WWOX: variants seen among roughly 807,000 people sequenced by gnomAD.
The protein encoded by WWOX is WW domain containing oxidoreductase, also known as WW domain-containing oxidoreductase.
A neutral mutation model predicts 46.2 loss-of-function variants in WWOX; 69 were observed. That is an observed-to-expected ratio of 1.49 (90% CI 1.23 to 1.82). WWOX has a LOEUF of 1.82. Ranked by LOEUF, WWOX falls within the 40% of genes most tolerant of loss-of-function variation. WWOX has a pLI of 0.00. For synonymous variants in WWOX, 359 were observed against 202.6 expected (o/e 1.77, Z -6.56); for missense variants, 919 against 542.6 (o/e 1.69, Z -6.89).
chr16:78,959,004 A>C (rs2046222750), intron 8 of WWOX, among the ~76,000 whole-genome samples: 1 of 152,202 alleles, frequency 6.6e-6, no homozygotes, highest in Non-Finnish European at 1.5e-5. Context: ...TCTGTGAAAA[A>C]AGGGAGTTCT....
At chr16:78,961,784 G>A (rs965873914) in intron 8 of WWOX, among the ~76,000 whole-genome samples, 7 of 152,142 alleles carry the variant, frequency 4.6e-5, no homozygotes, top group African/African-American at 1.7e-4. Flanking sequence ...AAGTACCTCA[G>A]GTTATCATAG....
chr16:78,363,476 G>A (rs772886681), intron 5 of WWOX, among the ~76,000 whole-genome samples: 1 of 151,938 alleles, frequency 6.6e-6, no homozygotes, highest in East Asian at 1.9e-4. Context: ...ACAGTGTCTT[G>A]CTGTGTTTCC....
chr16:78,387,605 A>AG (rs1392236911), intron 6 of WWOX, among the ~76,000 whole-genome samples: 1 of 148,904 alleles, frequency 6.7e-6, no homozygotes. Flanking sequence ...GGAGACAGAG[A>AG]GACAGACAGG....
intron 6 of WWOX, among the ~76,000 whole-genome samples, chr16:78,424,265 A>G (rs1036364279): frequency 1.3e-4 from 20 of 151,368 alleles, no homozygotes; most frequent in African/African-American, 4.6e-4. Context: ...TTACAGACAT[A>G]TACCACCACA....
At chr16:79,052,129 G>A (rs927252296) in intron 8 of WWOX, among the ~76,000 whole-genome samples, 26 of 151,590 alleles carry the variant, frequency 1.7e-4, no homozygotes, top group Admixed American at 6.6e-4. Flanking sequence ...ATGCTGGTGC[G>A]CTGCACCCAC....
At chr16:78,448,598 A>G (rs760328353) in intron 8 of WWOX, among the ~76,000 whole-genome samples, 11 of 152,198 alleles carry the variant, frequency 7.2e-5, no homozygotes, top group Non-Finnish European at 1.5e-4. Flanking sequence ...TTCAATGGCC[A>G]TGGAATTGAG....
At chr16:79,011,011 G>A (rs1373249803) in intron 8 of WWOX, among the ~76,000 whole-genome samples, 2 of 152,138 alleles carry the variant, frequency 1.3e-5, no homozygotes, top group Admixed American at 6.5e-5. Flanking sequence ...TCTGGCTTAC[G>A]ATGATTTCTA....
chr16:78,887,124 GTGTGTGTGTGTA>G lies in WWOX; in HGVS notation c.1057-324482_1057-324471del, dbSNP rs1398954708. On this transcript the variant is annotated intron_variant, in intron 8 of 8. Coordinates refer to ENST00000566780, the MANE Select transcript of WWOX (RefSeq NM_016373.4). ...TGTGTGTGTGTGTGTGTGTGTGTGT[GTGTGTGTGTGTA>G]TACCTAGTCTAGGGCTAGGTTTGGG... 1.9e-3 allele frequency among the ~76,000 whole-genome samples: 187 copies of G among 100,094 alleles called. 2 individuals are homozygous for G. Among genetic ancestry groups the G allele is most frequent in the Non-Finnish European group, 3.8e-3 (160 of 42,622 alleles). 65.7% of individuals were successfully genotyped at this position (100,094 alleles called of 152,430 possible).
chr16:78,335,021 C>T (rs1311093775), intron 5 of WWOX, among the ~76,000 whole-genome samples: 2 of 152,006 alleles, frequency 1.3e-5, no homozygotes, highest in African/African-American at 2.4e-5. Flanking sequence ...CCTGGACCTG[C>T]AGTGTCAGCA....
intron 8 of WWOX, among the ~76,000 whole-genome samples, chr16:79,005,083 G>T (rs1229739611): frequency 6.6e-6 from 1 of 152,202 alleles, no homozygotes; most frequent in African/African-American, 2.4e-5. Context: ...CATGGATGCA[G>T]TCAGTCCTCA....
intron 8 of WWOX, among the ~76,000 whole-genome samples, chr16:79,020,245 G>A (rs547734762): frequency 2.4e-4 from 37 of 152,316 alleles, no homozygotes; most frequent in African/African-American, 7.0e-4. Flanking sequence ...GCTGCAAGGC[G>A]CAGTGCTGGA....
chr16:78,378,051 T>A (rs1247818412), intron 5 of WWOX, among the ~76,000 whole-genome samples: 1 of 152,030 alleles, frequency 6.6e-6, no homozygotes, highest in Non-Finnish European at 1.5e-5. Context: ...TGCTGGATGG[T>A]TGATTTGAAG....
At chr16:79,059,489 T>G (rs577856497) in intron 8 of WWOX, among the ~76,000 whole-genome samples, 23 of 152,332 alleles carry the variant, frequency 1.5e-4, no homozygotes, top group African/African-American at 5.1e-4. Flanking sequence ...CTTTTTTATT[T>G]ATATGTTTTT....
chr16:79,157,622 A>C (rs1053632432), intron 8 of WWOX, among the ~76,000 whole-genome samples: 2 of 152,142 alleles, frequency 1.3e-5, no homozygotes, highest in Non-Finnish European at 2.9e-5. Flanking sequence ...TACAGGTTTT[A>C]TTATTATTTA....
At chr16:78,544,025 T>C (rs1215504164) in intron 8 of WWOX, among the ~76,000 whole-genome samples, 1 of 152,158 alleles carries the variant, frequency 6.6e-6, no homozygotes, top group African/African-American at 2.4e-5. Context: ...TCAAAGCTTC[T>C]AGTAGTAGGG....
chr16:78,430,860 G>A (rs887299363), intron 7 of WWOX, among the ~76,000 whole-genome samples: 1 of 152,250 alleles, frequency 6.6e-6, no homozygotes, highest in Non-Finnish European at 1.5e-5. Flanking sequence ...ATTTCATTCT[G>A]CCCTTGCCAT....
chr16:78,919,463 A>T (rs1270141323), intron 8 of WWOX, among the ~76,000 whole-genome samples: 1 of 151,808 alleles, frequency 6.6e-6, no homozygotes. Context: ...ACTACCTTCT[A>T]ACAGCAATCA....
At chr16:78,322,783 T>C (rs1230935845) in intron 5 of WWOX, among the ~76,000 whole-genome samples, 1 of 152,236 alleles carries the variant, frequency 6.6e-6, no homozygotes, top group Non-Finnish European at 1.5e-5. Flanking sequence ...TGTTCCACTT[T>C]GTCACCACAG....
chr16:78,813,370 C>A (rs1303337236), intron 8 of WWOX, among the ~76,000 whole-genome samples: 7 of 151,950 alleles, frequency 4.6e-5, no homozygotes, highest in Non-Finnish European at 7.4e-5. Flanking sequence ...TTTCTTGATA[C>A]CTTTCAAGTG....
Sources: allele counts gnomAD v4.1 joint callset (sites outside exome capture counted in the v4.1 genomes callset), GRCh38; gene constraint gnomAD v4.1.1; transcripts MANE v1.5; gene names NCBI Gene and HGNC (gene_info 2026-07-23, HGNC 2026-07-21).